Variants in ZNF500 observed in about 807,000 individuals in gnomAD.
ZNF500 encodes the protein zinc finger protein 500, also known as zinc finger protein with KRAB and SCAN domains 18.
In ZNF500, 31 loss-of-function variants were observed where a neutral mutation model predicts 30.1. That is an observed-to-expected ratio of 1.03 (90% CI 0.77 to 1.39). ZNF500 has a LOEUF of 1.39. Among genes scored for constraint, ZNF500 ranks in the 40% most tolerant of loss-of-function variants. ZNF500 has a pLI of 0.00. For synonymous variants in ZNF500, 392 were observed against 282.0 expected (o/e 1.39, Z -3.91); for missense variants, 817 against 657.8 (o/e 1.24, Z -2.65).
At chr16:4,766,226 C>A in intron 1 of ZNF500, 150 bp from the exon 2 acceptor site, 1 of 416,890 alleles carries the variant, frequency 2.4e-6, no homozygotes, top group African/African-American at 2.0e-5. Context: ...TGTTATTAAC[C>A]CCCTGTTAAT....
At chr16:4,763,762 G>T in intron 2 of ZNF500, 13 of 985,404 alleles carry the variant, frequency 1.3e-5, no homozygotes, top group Non-Finnish European at 1.6e-5. Context: ...CAGGAAAGAG[G>T]CTGGCCGGCT....
At position 4,751,511 on chromosome 16, in the gene ZNF500, T is replaced by A. The variant is rs1055839937; in HGVS notation, c.*865A>T. Reference sequence around the variant, plus strand: ...TATGGATCTGCAAAGGGGACTGGAATGCTGCAGAGCCCCGGGCTCCATTTG... The same window carrying A: ...TATGGATCTGCAAAGGGGACTGGAAAGCTGCAGAGCCCCGGGCTCCATTTG... On this transcript the variant is annotated 3_prime_UTR_variant, in exon 6 of 6. Coordinates refer to ENST00000219478, the MANE Select transcript of ZNF500 (RefSeq NM_021646.4). 6 of 1,468,422 alleles carry A rather than the reference T, an allele frequency of 4.1e-6. No individual in the cohort carries two copies. In the Admixed American group the frequency reaches 8.7e-5, roughly 21 times the overall value. The allele number at this position is 1,468,422 out of a possible 1,614,324, so 91.0% of individuals were successfully genotyped here. A position where few individuals can be genotyped will look rare whatever the true frequency, so the allele number is the denominator to read the frequency against.
At chr16:4,756,262 G>T (rs1446729359) in intron 5 of ZNF500, 2 of 152,180 alleles carry the variant, frequency 1.3e-5, no homozygotes, top group Admixed American at 1.3e-4. Flanking sequence ...GAGGCGGGCA[G>T]ATCACAAGAT....
Position 4,765,955 on chromosome 16 carries a change from C to G in ZNF500, c.24G>C (p.Gln8His). The part of the protein sequence containing the change: MATVPGL[Q>H]PLPTLEQDLE... ...GGTCCTGCTCCAAGGTTGGCAGGGG[C>G]TGGAGGCCAGGGACAGTGGCCATTG... The change falls in exon 2 of 6, where the codon CAG (glutamine) becomes CAC (histidine). Residue 8 changes from glutamine to histidine, a missense_variant. Coordinates refer to ENST00000219478, the MANE Select transcript of ZNF500 (RefSeq NM_021646.4). The G allele has an allele frequency of 6.3e-7, 1 of 1,583,606 alleles. No homozygotes were observed. Among genetic ancestry groups the G allele is most frequent in the East Asian group, 2.2e-5 (1 of 44,664 alleles).
intron 5 of ZNF500, among the ~76,000 whole-genome samples, chr16:4,759,951 ATC>A (rs1317514025): frequency 6.6e-6 from 1 of 152,224 alleles, no homozygotes; most frequent in East Asian, 1.9e-4. Context: ...AGGTGGGAGC[ATC>A]GCTTGAACCC....
chr16:4,751,896 A>C lies in ZNF500; in HGVS notation c.*480T>G. ...GTATTCCCGCCTGGGGGACACAGCA[A>C]GGCCCCGTCTCAAAAAAAAAAGGGG... On this transcript the variant is annotated 3_prime_UTR_variant, in exon 6 of 6. Transcript: ENST00000219478. The C allele has an allele frequency of 4.6e-6, 1 of 216,708 alleles. No homozygotes were observed. The highest frequency in any genetic ancestry group is 8.0e-6 in the Non-Finnish European group (1 of 124,520). 13.4% of individuals were successfully genotyped at this position (216,708 alleles called of 1,614,324 possible).
chr16:4,754,081 G>A (rs1246447145), intron 5 of ZNF500, among the ~76,000 whole-genome samples: 1 of 152,214 alleles, frequency 6.6e-6, no homozygotes, highest in African/African-American at 2.4e-5. Flanking sequence ...TGCAGCTGGG[G>A]ACCTGGTAGC....
At chr16:4,755,528 G>A (rs1359641199) in intron 5 of ZNF500, among the ~76,000 whole-genome samples, 2 of 152,068 alleles carry the variant, frequency 1.3e-5, no homozygotes, top group African/African-American at 2.4e-5. Flanking sequence ...TGTTGGCCAG[G>A]CTGGTCTCGA....
At chr16:4,763,594 A>C (rs1364640674) in intron 2 of ZNF500, 1 of 985,220 alleles carries the variant, frequency 1.0e-6, no homozygotes, top group Non-Finnish European at 1.2e-6. Context: ...GCTTCCTCTT[A>C]TTCAACATTC....
Position 4,753,071 on chromosome 16 carries a change from A to G in ZNF500, c.761-13T>C. On this transcript the variant is annotated splice_polypyrimidine_tract_variant and intron_variant, in intron 5 of 5. Transcript: ENST00000219478. ...TGGATCCCAGGTCCTGAGACAGAGA[A>G]AGCACGATCTCTAGGAACTCACAGC... 1 of 1,506,190 alleles carries G rather than the reference A, an allele frequency of 6.6e-7. No homozygotes were observed. The highest frequency in any genetic ancestry group is 1.4e-5 in the African/African-American group (1 of 71,994). The allele number at this position is 1,506,190 out of a possible 1,614,324, so 93.3% of individuals were successfully genotyped here. A position where few individuals can be genotyped will look rare whatever the true frequency, so the allele number is the denominator to read the frequency against.
chr16:4,759,688 C>T (rs1234361687), intron 5 of ZNF500, among the ~76,000 whole-genome samples: 1 of 152,148 alleles, frequency 6.6e-6, no homozygotes, highest in African/African-American at 2.4e-5. Flanking sequence ...TCTGTTGGTT[C>T]TGTTTCTCTG....
Position 4,752,831 on chromosome 16 carries a change from A to T in ZNF500, c.988T>A (p.Cys330Ser), listed in dbSNP as rs1257881140. The change falls in exon 6 of 6, where the codon TGT becomes AGT. Residue 330 changes from cysteine (C) to serine (S), a missense_variant. Cys to Ser is a moderately radical substitution (Grantham distance 112). Coordinates refer to ENST00000219478, the MANE Select transcript of ZNF500 (RefSeq NM_021646.4). The stretch of plus-strand genomic sequence containing the variant: ...GACGTCTTGCTGAAGCCTTTGCCAC[A>T]TTCGGGGCAGGTGTACGGCTTGTCA... ...GADKPYTCPE[C>S]GKGFSKTSHL... 3 of 1,614,206 alleles carry T rather than the reference A, an allele frequency of 1.9e-6. No homozygotes were observed. Among genetic ancestry groups the T allele is most frequent in the Non-Finnish European group, 2.5e-6 (3 of 1,180,020 alleles).
At position 4,751,627 on chromosome 16, in the gene ZNF500, A is replaced by T; in HGVS notation, c.*749T>A. 2.6e-6 allele frequency: 4 copies of T among 1,535,374 alleles called. No individual in the cohort carries two copies. Among genetic ancestry groups the T allele is most frequent in the Non-Finnish European group, 3.5e-6 (4 of 1,146,762 alleles). On this transcript the variant is annotated 3_prime_UTR_variant, in exon 6 of 6. Transcript: ENST00000219478. ...CCTGCAGCAGACGAGGGGTCCCTCAAATTCATGTGCACCCAGACCTCAGAA... is the reference window on the plus strand; with the variant it reads ...CCTGCAGCAGACGAGGGGTCCCTCATATTCATGTGCACCCAGACCTCAGAA...
downstream of ZNF500, chr16:4,745,067 T>C: frequency 6.3e-7 from 1 of 1,576,442 alleles, no homozygotes; most frequent in Non-Finnish European, 8.7e-7. Context: ...CCCCATGGTT[T>C]TGTAGCACTG....
intron 5 of ZNF500, among the ~76,000 whole-genome samples, chr16:4,759,699 G>A (rs1212580997): frequency 6.6e-6 from 1 of 152,022 alleles, no homozygotes; most frequent in Non-Finnish European, 1.5e-5. Context: ...TGTTTCTCTG[G>A]AGAAGAACCC....
At chr16:4,757,728 G>C (rs528030296) in intron 5 of ZNF500, among the ~76,000 whole-genome samples, 2 of 148,034 alleles carry the variant, frequency 1.4e-5, no homozygotes, top group Non-Finnish European at 3.0e-5. Context: ...TCAGCCTCCC[G>C]AGTACCTGGG....
At chr16:4,747,719 C>T (rs943376586), downstream of ZNF500, 4 of 1,420,376 alleles carry the variant, frequency 2.8e-6, no homozygotes, top group African/African-American at 2.9e-5. Context: ...TCCTGCATTT[C>T]CACTAGCAGG....
At chr16:4,765,113 C>T (rs1275150273) in intron 2 of ZNF500, among the ~76,000 whole-genome samples, 1 of 152,034 alleles carries the variant, frequency 6.6e-6, no homozygotes, top group Non-Finnish European at 1.5e-5. Flanking sequence ...CCAGTCTGGG[C>T]AACATAACGA....
Position 4,751,975 on chromosome 16 carries a change from C to A in ZNF500, c.*401G>T. The stretch of plus-strand genomic sequence containing the variant: ...GACAGCGCACAGGGTCACAGACACA[C>A]AGGAGAGGGGTTGGGACGTGGGGAT... On this transcript the variant is annotated 3_prime_UTR_variant, in exon 6 of 6. Coordinates refer to ENST00000219478, the MANE Select transcript of ZNF500 (RefSeq NM_021646.4). The A allele has an allele frequency of 1.2e-6, 1 of 859,454 alleles. No individual in the cohort carries two copies. Among genetic ancestry groups the A allele is most frequent in the South Asian group, 2.4e-5 (1 of 41,290 alleles). 53.2% of individuals were successfully genotyped at this position (859,454 alleles called of 1,614,324 possible). A position where few individuals can be genotyped will look rare whatever the true frequency, so the allele number is the denominator to read the frequency against.
Sources: allele counts gnomAD v4.1 joint callset (sites outside exome capture counted in the v4.1 genomes callset), GRCh38; gene constraint gnomAD v4.1.1; transcripts MANE v1.5; gene names NCBI Gene and HGNC (gene_info 2026-07-23, HGNC 2026-07-21).